ZSCAN5A: variants seen among roughly 807,000 people sequenced by gnomAD.
ZSCAN5A encodes the protein zinc finger and SCAN domain-containing protein 5A.
In ZSCAN5A, 12 loss-of-function variants were observed where a neutral mutation model predicts 23.7. The ratio of observed to expected loss-of-function variants is 0.51; its 90% CI spans 0.32 to 0.82. ZSCAN5A has a LOEUF of 0.82. Among genes scored for constraint, ZSCAN5A ranks in the 40% least tolerant of loss-of-function variants. ZSCAN5A has a pLI of 0.03. For missense variants in ZSCAN5A, 597 were observed against 617.9 expected (o/e 0.97, Z 0.36); for synonymous variants, 257 against 239.9 (o/e 1.07, Z -0.66).
At chr19:56,306,385 G>A (rs1461422658) in intron 2 of ZSCAN5A, among the ~76,000 whole-genome samples, 6 of 78,532 alleles carry the variant, frequency 7.6e-5, no homozygotes, top group African/African-American at 2.5e-4. Context: ...CTCCCACGTC[G>A]CCAGAGAAAG....
intron 2 of ZSCAN5A, among the ~76,000 whole-genome samples, chr19:56,234,906 C>T (rs1348977717): frequency 6.6e-6 from 1 of 152,242 alleles, no homozygotes; most frequent in African/African-American, 2.4e-5. Context: ...TCGTCTGTGG[C>T]TCGTCCTACT....
chr19:56,326,873 C>G (rs951564819), intron 2 of ZSCAN5A, among the ~76,000 whole-genome samples: 26 of 152,100 alleles, frequency 1.7e-4, no homozygotes, highest in Non-Finnish European at 8.8e-5. Flanking sequence ...AAGAAACCAG[C>G]CTTGAGCAGA....
chr19:56,304,007 A>T (rs2147295012), intron 2 of ZSCAN5A, among the ~76,000 whole-genome samples: 1 of 152,316 alleles, frequency 6.6e-6, no homozygotes, highest in South Asian at 2.1e-4. Flanking sequence ...TAAGGTTCTC[A>T]TAGACCACGA....
At chr19:56,296,050 T>C (rs2039850952) in intron 2 of ZSCAN5A, 1 of 152,296 alleles carries the variant, frequency 6.6e-6, no homozygotes, top group Non-Finnish European at 1.5e-5. Flanking sequence ...GGCAGGGTGG[T>C]GGAAAGCTGA....
chr19:56,247,667 T>C (rs539881583), intron 2 of ZSCAN5A, among the ~76,000 whole-genome samples: 1 of 150,278 alleles, frequency 6.7e-6, no homozygotes, highest in South Asian at 2.1e-4. Context: ...CGTACAGGTT[T>C]ATGTGGGTGT....
upstream of ZSCAN5A, chr19:56,316,094 C>T (rs1411263751): frequency 6.6e-6 from 1 of 152,162 alleles, no homozygotes; most frequent in Non-Finnish European, 1.5e-5. Flanking sequence ...CACTGGAATT[C>T]CGGAAACCTG....
chr19:56,320,065 T>A, intron 2 of ZSCAN5A: 1 of 782,010 alleles, frequency 1.3e-6, no homozygotes, highest in Admixed American at 1.7e-5. Context: ...ACTTACAAAA[T>A]CTCTTCTTAT....
At chr19:56,309,973 G>A (rs2147358887) in intron 2 of ZSCAN5A, among the ~76,000 whole-genome samples, 1 of 152,286 alleles carries the variant, frequency 6.6e-6, no homozygotes, top group Middle Eastern at 3.4e-3. Flanking sequence ...TAGTGAGTGG[G>A]GAGAATGGGC....
At chr19:56,238,878 G>A (rs991873760) in intron 2 of ZSCAN5A, among the ~76,000 whole-genome samples, 9 of 151,932 alleles carry the variant, frequency 5.9e-5, no homozygotes, top group Non-Finnish European at 1.2e-4. Context: ...TTCAAGAGGA[G>A]AGGACTGGAG....
intron 2 of ZSCAN5A, chr19:56,282,625 G>C (rs907882844): frequency 2.0e-5 from 9 of 442,900 alleles, no homozygotes; most frequent in African/African-American, 1.7e-4. Flanking sequence ...TCTAATAGCG[G>C]AACTAGTAAA....
At chr19:56,295,633 A>T (rs2039821428) in intron 2 of ZSCAN5A, among the ~76,000 whole-genome samples, 1 of 152,008 alleles carries the variant, frequency 6.6e-6, no homozygotes, top group African/African-American at 2.4e-5. Context: ...CAAACAGAAG[A>T]GATGGGAATG....
chr19:56,313,650 A>G (rs1196579703), intron 1 of ZSCAN5A, among the ~76,000 whole-genome samples: 2 of 152,206 alleles, frequency 1.3e-5, no homozygotes, highest in African/African-American at 4.8e-5. Context: ...AAATTCTTTT[A>G]TCATTAGGAG....
intron 5 of ZSCAN5A, 96 bp downstream of exon 5, chr19:56,222,495 G>T: frequency 1.3e-6 from 2 of 1,557,658 alleles, no homozygotes; most frequent in Middle Eastern, 1.8e-4. Context: ...TGACAGCTGA[G>T]TGCCAACTCC....
Position 56,252,942 on chromosome 19 carries a change from A to G in ZSCAN5A, c.-127-27769T>C, listed in dbSNP as rs139553582. 1.6e-4 allele frequency among the ~76,000 whole-genome samples: 25 copies of G among 152,350 alleles called. No homozygotes were observed. In the East Asian group the frequency reaches 4.6e-3, roughly 28 times the overall value. On this transcript the variant is annotated intron_variant, in intron 2 of 5. Transcript: ENST00000683990. ...GGCCATAACAGGAGCAAGAAGAAAG[A>G]CAAGATGGCGGCGCAGTGGCGCCTC...
At chr19:56,321,949 A>G in intron 2 of ZSCAN5A, 2 of 780,820 alleles carry the variant, frequency 2.6e-6, no homozygotes, top group Non-Finnish European at 4.8e-6. Context: ...CCTTCTGAAG[A>G]TATCTCACAC....
intron 2 of ZSCAN5A, among the ~76,000 whole-genome samples, chr19:56,235,203 C>T (rs868762016): frequency 6.5e-5 from 3 of 46,384 alleles, no homozygotes; most frequent in Admixed American, 2.5e-4. Context: ...CTCTGATGGA[C>T]GGTGGGCCAA....
chr19:56,322,257 C>T lies in ZSCAN5A; in HGVS notation c.-357-5989G>A, dbSNP rs966104075. 1.7e-5 allele frequency: 19 copies of T among 1,127,918 alleles called. No homozygotes were observed. In the African/African-American group the frequency reaches 2.9e-4, roughly 17 times the overall value. The allele number at this position is 1,127,918 out of a possible 1,614,324, so 69.9% of individuals were successfully genotyped here. A position where few individuals can be genotyped will look rare whatever the true frequency, so the allele number is the denominator to read the frequency against. On this transcript the variant is annotated intron_variant, in intron 2 of 6. Coordinates refer to the ZSCAN5A transcript ENST00000587340. The stretch of plus-strand genomic sequence containing the variant: ...AACTGAGAAAGTCCTAAAACAGTTG[C>T]AAGAGCACCTCCTTCAACAAGAATT...
intron 2 of ZSCAN5A, among the ~76,000 whole-genome samples, chr19:56,309,007 C>G (rs938914744): frequency 6.6e-6 from 1 of 152,226 alleles, no homozygotes; most frequent in African/African-American, 2.4e-5. Context: ...TGCAACTACT[C>G]TAGTCAAAGC....
rs765262585 is a variant in ZSCAN5A, at chr19:56,351,425, C to T, written c.-358+11810G>A. ...AGGCTATGGCGGGAGGGCCTGGTTTCTCCCAGGCTACATGAATAACACACC... is the reference window on the plus strand; with the variant it reads ...AGGCTATGGCGGGAGGGCCTGGTTTTTCCCAGGCTACATGAATAACACACC... On this transcript the variant is annotated intron_variant, in intron 2 of 6. Transcript: ENST00000587340. This position sits in a 1 kb window ranked among gnomAD's most constrained non-coding sequence, Gnocchi z 4.8. Among the ~76,000 whole-genome samples the T allele has an allele frequency of 7.9e-5, 12 of 152,130 alleles. No individual in the cohort carries two copies. The highest frequency in any genetic ancestry group is 1.3e-4 in the Non-Finnish European group (9 of 68,020).
Sources: gnomAD v4.1 joint callset for allele counts (sites outside exome capture counted in the v4.1 genomes callset) on GRCh38, gnomAD v4.1.1 for gene constraint, Gnocchi (gnomAD v3.1) non-coding constraint, MANE v1.5 for transcripts, NCBI Gene and HGNC (gene_info 2026-07-23, HGNC 2026-07-21) for gene names.